TBC1D23: variants seen among roughly 807,000 people sequenced by gnomAD.
TBC1D23 encodes HCV non-structural protein 4A-transactivated protein 1.
In TBC1D23, 55 loss-of-function variants were observed where a neutral mutation model predicts 91.4. That is an observed-to-expected ratio of 0.60 (90% confidence interval 0.48 to 0.75). The LOEUF is 0.75. Among genes scored for constraint, TBC1D23 ranks in the 30% least tolerant of loss-of-function variants. The pLI is 0.00. For synonymous variants in TBC1D23, 289 were observed against 281.0 expected, an observed-to-expected ratio of 1.03 and a Z score of -0.28; for missense variants, 725 against 836.1, an observed-to-expected ratio of 0.87 and a Z score of 1.64.
At chr3:100,261,139 C>A in intron 1 of TBC1D23, 68 bp downstream of exon 1, 1 of 1,486,500 alleles carries the variant, frequency 6.7e-7, no homozygotes. Context: ...TGCCGGTCCC[C>A]GAGGAGCCGT....
chr3:100,309,350 T>A (rs1705575856), intron 13 of TBC1D23, among the ~76,000 whole-genome samples: 1 of 152,214 alleles, frequency 6.6e-6, no homozygotes, highest in Non-Finnish European at 1.5e-5. Flanking sequence ...GATTATACTT[T>A]TGCTTATTTT....
At chr3:100,277,881 C>G (rs1370110737) in intron 1 of TBC1D23, among the ~76,000 whole-genome samples, 2 of 152,184 alleles carry the variant, frequency 1.3e-5, no homozygotes, top group Non-Finnish European at 2.9e-5. Context: ...ATCTTTTTCT[C>G]TACCTCTCCC....
At chr3:100,292,413 G>A (rs571049085) in intron 5 of TBC1D23, among the ~76,000 whole-genome samples, 3 of 152,118 alleles carry the variant, frequency 2.0e-5, no homozygotes, top group African/African-American at 7.2e-5. Flanking sequence ...GACAGCCTCT[G>A]AGCTTCAATT....
chr3:100,273,723 A>G (rs1311924143), intron 1 of TBC1D23, among the ~76,000 whole-genome samples: 1 of 152,182 alleles, frequency 6.6e-6, no homozygotes, highest in Non-Finnish European at 1.5e-5. Flanking sequence ...CTGCACACCT[A>G]CAACTGTCTG....
intron 4 of TBC1D23, among the ~76,000 whole-genome samples, chr3:100,284,674 G>T (rs2067724712): frequency 1.3e-5 from 2 of 152,158 alleles, no homozygotes; most frequent in East Asian, 3.9e-4. Flanking sequence ...TTGTAGTGGG[G>T]GTCGTGGTGG....
chr3:100,305,896 T>G (rs1705508912), intron 12 of TBC1D23, among the ~76,000 whole-genome samples: 1 of 152,150 alleles, frequency 6.6e-6, no homozygotes, highest in Non-Finnish European at 1.5e-5. Flanking sequence ...TTATTAAGCT[T>G]GTAATTCTCA....
At chr3:100,320,569 ATC>A (rs1241347209) in intron 17 of TBC1D23, among the ~76,000 whole-genome samples, 2 of 152,138 alleles carry the variant, frequency 1.3e-5, no homozygotes, top group African/African-American at 2.4e-5. Flanking sequence ...TTGCAGGATT[ATC>A]TGTTAATAAA....
At chr3:100,286,553 A>C (rs2067743906) in intron 4 of TBC1D23, among the ~76,000 whole-genome samples, 1 of 151,286 alleles carries the variant, frequency 6.6e-6, no homozygotes. Flanking sequence ...GCTGGAGTGC[A>C]GTGGCACAGT....
chr3:100,298,004 A>G lies in TBC1D23; in HGVS notation c.958A>G (p.Ile320Val). The change falls in exon 9 of 19, where the codon ATC becomes GTC. Residue 320 changes from isoleucine (I) to valine (V), a missense_variant. Coordinates refer to ENST00000394144, the MANE Select transcript of TBC1D23 (RefSeq NM_001199198.3). ...TCTGAGTCAGGCTCTTTGTCTGGCC[A>G]TCTCCGTGTCAGAGATCCTTCAAGC... ...ADLSQALCLA[I>V]SVSEILQANQ... The G allele has an allele frequency of 1.1e-5, 17 of 1,613,704 alleles. No homozygotes were observed. Among genetic ancestry groups the G allele is most frequent in the Non-Finnish European group, 1.4e-5 (17 of 1,179,750 alleles).
In TBC1D23 at chr3:100,323,707, A is replaced by G. The variant is rs1024975903; in HGVS notation, c.*39A>G. 8.0e-6 allele frequency: 9 copies of G among 1,130,412 alleles called. No homozygotes were observed. In the African/African-American group the frequency reaches 1.3e-4, roughly 16 times the overall value. The allele number at this position is 1,130,412 out of a possible 1,614,324, so 70.0% of individuals were successfully genotyped here. ...TATATAAAAAGAAATTAAGACAACC[A>G]AGAGAAACATGGACATATACCTCCT... On this transcript the variant is annotated 3_prime_UTR_variant, in exon 19 of 19. Transcript: ENST00000394144.
intron 2 of TBC1D23, among the ~76,000 whole-genome samples, chr3:100,281,084 C>T (rs1000619583): frequency 6.6e-6 from 1 of 151,972 alleles, no homozygotes; most frequent in Non-Finnish European, 1.5e-5. Context: ...CACTTGAACC[C>T]GGGAGGCGGA....
chr3:100,305,482 G>GA (rs1417050303), intron 12 of TBC1D23, among the ~76,000 whole-genome samples: 1 of 152,164 alleles, frequency 6.6e-6, no homozygotes, highest in African/African-American at 2.4e-5. Flanking sequence ...TCTTACATTA[G>GA]AAAAAGAGAT....
chr3:100,281,134 C>G, intron 2 of TBC1D23, among the ~76,000 whole-genome samples: 1 of 152,122 alleles, frequency 6.6e-6, no homozygotes, highest in Admixed American at 6.5e-5. Context: ...TATGCTCCAG[C>G]CTGAGCAAGA....
intron 9 of TBC1D23, 51 bp from the exon 10 acceptor site, chr3:100,299,188 A>T (rs762311672): frequency 8.3e-7 from 1 of 1,205,444 alleles, no homozygotes; most frequent in South Asian, 1.2e-5. Context: ...ATGTTGTGCA[A>T]TGTGAACCTC....
chr3:100,320,123 C>T (rs1705823665), intron 17 of TBC1D23, among the ~76,000 whole-genome samples: 1 of 152,058 alleles, frequency 6.6e-6, no homozygotes, highest in African/African-American at 2.4e-5. Context: ...ATCCCCCCAC[C>T]CCCTCGCTTC....
chr3:100,320,242 A>G (rs961006784), intron 17 of TBC1D23, among the ~76,000 whole-genome samples: 1 of 152,104 alleles, frequency 6.6e-6, no homozygotes, highest in Non-Finnish European at 1.5e-5. Context: ...TACTGTACAT[A>G]AAAAATGTGA....
chr3:100,292,386 T>C (rs1257281329), intron 5 of TBC1D23, among the ~76,000 whole-genome samples: 1 of 152,206 alleles, frequency 6.6e-6, no homozygotes, highest in Admixed American at 6.5e-5. Flanking sequence ...CTTCCCATTA[T>C]TAACTGTGTG....
chr3:100,317,030 C>G (rs1273557752), intron 16 of TBC1D23, among the ~76,000 whole-genome samples: 2 of 149,038 alleles, frequency 1.3e-5, no homozygotes, highest in Non-Finnish European at 1.5e-5. Context: ...TGCAGTGAGC[C>G]AAGATCATGC....
At chr3:100,319,844 A>C (rs1705819344) in intron 17 of TBC1D23, among the ~76,000 whole-genome samples, 2 of 152,170 alleles carry the variant, frequency 1.3e-5, no homozygotes, top group Non-Finnish European at 2.9e-5. Flanking sequence ...AAAGAAGTCT[A>C]CAAATGTGAC....
Sources: allele counts gnomAD v4.1 joint callset (sites outside exome capture counted in the v4.1 genomes callset), GRCh38; gene constraint gnomAD v4.1.1; transcripts MANE v1.5; gene names NCBI Gene and HGNC (gene_info 2026-07-23, HGNC 2026-07-21).